The following SCARA5 variants were observed in gnomAD, a reference collection of about 807,000 sequenced individuals.
The protein encoded by SCARA5 is scavenger receptor class A member 5, also known as scavenger receptor class A, member 5 (putative).
In SCARA5, 45 loss-of-function variants were observed where a neutral mutation model predicts 46.3. The observed-to-expected ratio is 0.97, with a 90% CI of 0.76 to 1.24. The LOEUF (loss-of-function observed/expected upper bound fraction) is 1.24. Ranked by LOEUF, SCARA5 falls within the 50% of genes most tolerant of loss-of-function variation. The pLI is 0.00. For synonymous variants in SCARA5, 333 were observed against 306.5 expected, an observed-to-expected ratio of 1.09 and a Z score of -0.90; for missense variants, 680 against 689.0, an observed-to-expected ratio of 0.99 and a Z score of 0.15.
intron 3 of SCARA5, among the ~76,000 whole-genome samples, chr8:27,947,241 A>G (rs1273160454): frequency 6.6e-6 from 1 of 152,052 alleles, no homozygotes; most frequent in Non-Finnish European, 1.5e-5. Flanking sequence ...CGAACTCCTG[A>G]CCTCAGGTGA....
chr8:27,905,429 G>A (rs1354443507), intron 6 of SCARA5, among the ~76,000 whole-genome samples: 2 of 149,844 alleles, frequency 1.3e-5, no homozygotes, highest in East Asian at 3.9e-4. Context: ...CCCCCAGAAA[G>A]ACATCTGCCA....
chr8:27,934,358 C>T (rs757650742), intron 3 of SCARA5, among the ~76,000 whole-genome samples: 3 of 152,216 alleles, frequency 2.0e-5, no homozygotes, highest in Admixed American at 6.5e-5. Flanking sequence ...GGGATTTCGA[C>T]CTGGGAGGTC....
At chr8:27,979,523 G>A (rs889842269) in intron 2 of SCARA5, among the ~76,000 whole-genome samples, 3 of 151,704 alleles carry the variant, frequency 2.0e-5, no homozygotes, top group African/African-American at 7.3e-5. Flanking sequence ...TGGGGTGTGA[G>A]CCCAGCCTGT....
At chr8:27,907,572 CTTT>C (rs144977060) in intron 5 of SCARA5, among the ~76,000 whole-genome samples, 49 of 97,254 alleles carry the variant, frequency 5.0e-4, no homozygotes, top group African/African-American at 9.8e-4. Context: ...TCAGCAAACA[CTTT>C]TTTTTTTTTT....
At chr8:27,970,900 C>A (rs767303323) in intron 2 of SCARA5, among the ~76,000 whole-genome samples, 2 of 152,086 alleles carry the variant, frequency 1.3e-5, no homozygotes, top group Non-Finnish European at 2.9e-5. Flanking sequence ...AAAAAAAACC[C>A]ACTACTTCCT....
At chr8:27,967,519 G>T (rs774960643) in intron 2 of SCARA5, among the ~76,000 whole-genome samples, 3 of 152,112 alleles carry the variant, frequency 2.0e-5, no homozygotes, top group Non-Finnish European at 4.4e-5. Flanking sequence ...TGGGGGCGGC[G>T]GGGGGACGGC....
intron 7 of SCARA5, among the ~76,000 whole-genome samples, chr8:27,887,672 G>A (rs1194091975): frequency 6.6e-6 from 1 of 152,110 alleles, no homozygotes. Context: ...GATATCCACA[G>A]GGCTCATCTC....
At chr8:27,951,876 G>A (rs1808134000) in intron 3 of SCARA5, among the ~76,000 whole-genome samples, 1 of 152,186 alleles carries the variant, frequency 6.6e-6, no homozygotes, top group South Asian at 2.1e-4. Flanking sequence ...GACCCAGAAG[G>A]AGGGACATGT....
intron 2 of SCARA5, 121 bp from the exon 3 acceptor site, chr8:27,966,663 C>A: frequency 9.1e-7 from 1 of 1,096,404 alleles, no homozygotes. Flanking sequence ...CTTCTCACAT[C>A]CCTTTTGCAT....
intron 8 of SCARA5, among the ~76,000 whole-genome samples, chr8:27,873,683 T>G (rs1281337044): frequency 1.3e-5 from 2 of 151,574 alleles, no homozygotes; most frequent in Non-Finnish European, 2.9e-5. Context: ...CCAGGTGAAA[T>G]AAATAGCCTT....
At chr8:27,919,628 C>A (rs2685322) in intron 4 of SCARA5, among the ~76,000 whole-genome samples, 54,717 of 151,332 alleles carry the variant, frequency 0.36, 10,088 homozygotes, top group African/African-American at 0.39. Context: ...CTCTCTGTGC[C>A]CCCTAGCATG....
chr8:27,989,229 G>T lies in SCARA5; in HGVS notation c.-15-1599C>A, dbSNP rs189019844. 6.0e-3 allele frequency among the ~76,000 whole-genome samples: 850 copies of T among 141,764 alleles called. 10 individuals carry two copies. The highest frequency in any genetic ancestry group is 0.022 in the African/African-American group (810 of 37,192). The allele number at this position is 141,764 out of a possible 152,430, so 93.0% of individuals were successfully genotyped here. ...TGGCTCACTGCAACCTCCGCCTCCC[G>T]GGCTCAAGTGATCCTCCCAACTCAT... On this transcript the variant is annotated intron_variant, in intron 1 of 8. Coordinates refer to ENST00000354914, the MANE Select transcript of SCARA5 (RefSeq NM_173833.6).
intron 3 of SCARA5, among the ~76,000 whole-genome samples, chr8:27,947,864 A>G (rs1808062968): frequency 6.6e-6 from 1 of 152,122 alleles, no homozygotes; most frequent in Non-Finnish European, 1.5e-5. Context: ...GACAGAGTGA[A>G]AAGATAAAAT....
chr8:27,908,101 C>T (rs1047419793), intron 5 of SCARA5, among the ~76,000 whole-genome samples: 18 of 143,764 alleles, frequency 1.3e-4, no homozygotes, highest in African/African-American at 4.1e-4. Context: ...AGTTCATGGT[C>T]GGTCAGCATC....
chr8:27,986,714 A>G (rs1365640614), intron 2 of SCARA5, among the ~76,000 whole-genome samples: 4 of 152,206 alleles, frequency 2.6e-5, no homozygotes, highest in Non-Finnish European at 5.9e-5. Context: ...ATTGCTCTTG[A>G]GTAATTTCAA....
intron 6 of SCARA5, among the ~76,000 whole-genome samples, chr8:27,905,236 G>A (rs1186138700): frequency 6.6e-6 from 1 of 152,100 alleles, no homozygotes; most frequent in Non-Finnish European, 1.5e-5. Flanking sequence ...TGTTGAGCAG[G>A]TTTTCTTGTG....
chr8:27,935,251 CA>C (rs1247140240), intron 3 of SCARA5, among the ~76,000 whole-genome samples: 1 of 152,106 alleles, frequency 6.6e-6, no homozygotes, highest in Admixed American at 6.5e-5. Context: ...AACAGGTATC[CA>C]AAGCTTGGCA....
At chr8:27,977,632 C>T (rs997116681) in intron 2 of SCARA5, among the ~76,000 whole-genome samples, 2 of 152,214 alleles carry the variant, frequency 1.3e-5, no homozygotes, top group African/African-American at 4.8e-5. Flanking sequence ...CCCTCTCCTT[C>T]CTCCCTAAAA....
intron 2 of SCARA5, among the ~76,000 whole-genome samples, chr8:27,982,042 A>C (rs900696821): frequency 1.3e-5 from 2 of 152,108 alleles, no homozygotes; most frequent in African/African-American, 4.8e-5. Flanking sequence ...ATGGGGAAGG[A>C]ACACAGGAAT....
Sources: gnomAD v4.1 joint callset for allele counts (sites outside exome capture counted in the v4.1 genomes callset) on GRCh38, gnomAD v4.1.1 for gene constraint, MANE v1.5 for transcripts, NCBI Gene and HGNC (gene_info 2026-07-23, HGNC 2026-07-21) for gene names.